SMURF2: variants seen among roughly 807,000 people sequenced by gnomAD.
SMURF2 encodes SMAD specific E3 ubiquitin protein ligase 2.
SMURF2 carries 48 observed loss-of-function variants against 109.6 expected under a neutral mutation model. That is an observed-to-expected ratio of 0.44 (90% CI 0.35 to 0.56). The LOEUF (loss-of-function observed/expected upper bound fraction) is 0.56. Ranked by LOEUF, SMURF2 falls within the 20% of genes least tolerant of loss-of-function variation. The pLI, the probability that SMURF2 is intolerant of heterozygous loss-of-function variation, is 0.01. For synonymous variants in SMURF2, 288 were observed against 317.1 expected (o/e 0.91, Z 0.97); for missense variants, 575 against 909.0 (o/e 0.63, Z 4.72).
chr17:64,552,278 C>G (rs1969056324), intron 15 of SMURF2, among the ~76,000 whole-genome samples: 2 of 151,930 alleles, frequency 1.3e-5, no homozygotes, highest in African/African-American at 4.8e-5. Flanking sequence ...GTAATTTTAC[C>G]AATAAAAAAA....
Position 64,593,546 on chromosome 17 carries a change from C to T in SMURF2, c.228G>A (p.Thr76=), listed in dbSNP as rs782106803. ...DLYIGKSDSV[T]ISVWNHKKIH... is the part of the protein sequence containing the mutation. ...TCTTCTTGTGATTCCATACACTGAT[C>T]GTAACTGAATCAGACTTTCCAATAT... Residue 76 remains threonine, a synonymous_variant, in exon 4 of 19, where the codon ACG becomes ACA. Transcript: ENST00000262435. 11 of 1,574,362 alleles carry T rather than the reference C, an allele frequency of 7.0e-6. No homozygotes were observed. Among genetic ancestry groups the T allele is most frequent in the African/African-American group, 2.7e-5 (2 of 74,070 alleles).
intron 5 of SMURF2, 83 bp from the exon 6 acceptor site, chr17:64,586,253 T>C (rs1277936335): frequency 3.7e-6 from 3 of 820,288 alleles, no homozygotes; most frequent in Non-Finnish European, 5.8e-6. Context: ...TCAGAAGACA[T>C]CTGACTTAGC....
intron 1 of SMURF2, among the ~76,000 whole-genome samples, chr17:64,641,941 G>C (rs1970497894): frequency 6.6e-6 from 1 of 152,122 alleles, no homozygotes; most frequent in Non-Finnish European, 1.5e-5. Context: ...CGAGTAGCTG[G>C]AATTACAGGT....
intron 1 of SMURF2, among the ~76,000 whole-genome samples, chr17:64,648,514 G>GT (rs1351012497): frequency 6.6e-6 from 1 of 152,136 alleles, no homozygotes; most frequent in Non-Finnish European, 1.5e-5. Context: ...GCTCACACAT[G>GT]TAACTCCAGC....
intron 1 of SMURF2, among the ~76,000 whole-genome samples, chr17:64,651,429 G>A (rs1323445552): frequency 1.9e-4 from 28 of 148,712 alleles, no homozygotes; most frequent in African/African-American, 5.2e-4. Context: ...AAAATTACAC[G>A]GGCATGGTGG....
intron 1 of SMURF2, among the ~76,000 whole-genome samples, chr17:64,631,283 A>G (rs375076378): frequency 0.02 from 272 of 13,780 alleles, 13 homozygotes; most frequent in African/African-American, 0.11. Context: ...GGGGGGGGGG[A>G]GAGAGAGAGA....
intron 10 of SMURF2, among the ~76,000 whole-genome samples, chr17:64,563,498 A>G (rs1466129043): frequency 6.6e-6 from 1 of 152,260 alleles, no homozygotes; most frequent in Admixed American, 6.5e-5. Flanking sequence ...AGATGTTTTA[A>G]CATACACACA....
intron 1 of SMURF2, among the ~76,000 whole-genome samples, chr17:64,642,749 T>C (rs1970507735): frequency 6.6e-6 from 1 of 152,172 alleles, no homozygotes; most frequent in South Asian, 2.1e-4. Flanking sequence ...TTCACAGTGC[T>C]ATGGAGAAAA....
intron 9 of SMURF2, among the ~76,000 whole-genome samples, chr17:64,578,094 C>T (rs571500472): frequency 2.0e-3 from 303 of 151,928 alleles, no homozygotes; most frequent in South Asian, 2.9e-3. Context: ...TACAGGCACG[C>T]GCCACCACGC....
chr17:64,613,678 G>GTT, intron 1 of SMURF2, among the ~76,000 whole-genome samples: 1 of 54,104 alleles, frequency 1.8e-5, no homozygotes, highest in Non-Finnish European at 4.1e-5. Flanking sequence ...GGACCAGTGT[G>GTT]TGTGTGTGTG....
chr17:64,624,095 C>T (rs1211594608), intron 1 of SMURF2, among the ~76,000 whole-genome samples: 3 of 152,100 alleles, frequency 2.0e-5, no homozygotes, highest in African/African-American at 7.2e-5. Flanking sequence ...TTACCGCATG[C>T]AAAAATAAAG....
chr17:64,627,308 G>A (rs1282138416), intron 1 of SMURF2, among the ~76,000 whole-genome samples: 3 of 151,910 alleles, frequency 2.0e-5, no homozygotes, highest in Non-Finnish European at 4.4e-5. Flanking sequence ...TAGAGATGGG[G>A]TTTCGTCTTA....
intron 1 of SMURF2, among the ~76,000 whole-genome samples, chr17:64,642,794 A>G (rs1455082921): frequency 6.6e-6 from 1 of 151,942 alleles, no homozygotes; most frequent in African/African-American, 2.4e-5. Context: ...AATTTTATTT[A>G]TTTATTTATT....
intron 9 of SMURF2, 104 bp from the exon 10 acceptor site, chr17:64,572,060 T>C: frequency 2.0e-6 from 2 of 1,017,124 alleles, no homozygotes; most frequent in South Asian, 2.2e-5. Context: ...AGAAAATGTA[T>C]TGTTTCAGAA....
Position 64,543,738 on chromosome 17 carries a change from C to T in SMURF2, c.*2110G>A, listed in dbSNP as rs1968908287. On this transcript the variant is annotated 3_prime_UTR_variant, in exon 19 of 19. Transcript: ENST00000262435. Reference sequence around the variant, plus strand: ...TTATGATTTCTGTATTCATTATGTACTTTTTTACTGAAAGATTTTAAAAGT... The same window carrying T: ...TTATGATTTCTGTATTCATTATGTATTTTTTTACTGAAAGATTTTAAAAGT... 1 of 152,046 alleles carries T rather than the reference C, an allele frequency of 6.6e-6. No homozygotes were observed. Among genetic ancestry groups the T allele is most frequent in the African/African-American group, 2.4e-5 (1 of 41,402 alleles). The allele number at this position is 152,046 out of a possible 1,614,324, so 9.4% of individuals were successfully genotyped here. A position where few individuals can be genotyped will look rare whatever the true frequency, so the allele number is the denominator to read the frequency against.
chr17:64,608,374 T>C lies in SMURF2; in HGVS notation c.53-1734A>G, dbSNP rs561443593. Among the ~76,000 whole-genome samples, 11 of 152,292 alleles carry C rather than the reference T, an allele frequency of 7.2e-5. No homozygotes were observed. In the South Asian group the frequency reaches 1.0e-3, roughly 14 times the overall value. On this transcript the variant is annotated intron_variant, in intron 1 of 18. Coordinates refer to ENST00000262435, the MANE Select transcript of SMURF2 (RefSeq NM_022739.4). ...AAGTAAGCACAAGATACTGGTATAC[T>C]AGGCAGAGTCCCTTAGGCCATGTCT...
intron 3 of SMURF2, among the ~76,000 whole-genome samples, chr17:64,594,658 A>C (rs1479398324): frequency 6.6e-6 from 1 of 152,158 alleles, no homozygotes; most frequent in Non-Finnish European, 1.5e-5. Context: ...ATCAAGTATT[A>C]AGTAGCTGAA....
chr17:64,599,645 G>A (rs1969866028), intron 2 of SMURF2, among the ~76,000 whole-genome samples: 1 of 152,298 alleles, frequency 6.6e-6, no homozygotes, highest in Admixed American at 6.5e-5. Context: ...GGAACCCTAT[G>A]GTGAACTGCG....
In SMURF2 at chr17:64,583,446, T is replaced by C. The variant is rs782771803; in HGVS notation, c.569+15A>G. ...GGCTGGCATAGATCATGAGAAAATA[T>C]TTGTATGTTCTTACCGTGTTGGGCG... is the stretch of plus-strand genomic sequence containing the variant. On this transcript the variant is annotated intron_variant, in intron 7 of 18. Transcript: ENST00000262435. The C allele has an allele frequency of 1.9e-6, 3 of 1,597,010 alleles. No homozygotes were observed. The highest frequency in any genetic ancestry group is 2.2e-5 in the South Asian group (2 of 90,714).
Sources: gnomAD v4.1 joint callset for allele counts (sites outside exome capture counted in the v4.1 genomes callset) on GRCh38, gnomAD v4.1.1 for gene constraint, MANE v1.5 for transcripts, NCBI Gene and HGNC (gene_info 2026-07-23, HGNC 2026-07-21) for gene names.